The following IL1RAPL1 variants were observed in gnomAD, a reference collection of about 807,000 sequenced individuals.
The protein encoded by IL1RAPL1 is interleukin-1 receptor accessory protein-like 1.
In IL1RAPL1, 3 loss-of-function variants were observed where a neutral mutation model predicts 48.4. That is an observed-to-expected ratio of 0.06 (90% CI 0.03 to 0.16). The LOEUF is 0.16. Among genes scored for constraint, IL1RAPL1 ranks in the 10% least tolerant of loss-of-function variants. IL1RAPL1 has a pLI of 1.00. For missense variants in IL1RAPL1, 349 were observed against 530.6 expected, an observed-to-expected ratio of 0.66 and a Z score of 3.36; for synonymous variants, 185 against 187.7, an observed-to-expected ratio of 0.99 and a Z score of 0.12.
intron 2 of IL1RAPL1, among the ~76,000 whole-genome samples, chrX:29,241,726 G>A (rs1931425743): frequency 8.9e-6 from 1 of 111,887 alleles, no homozygotes; most frequent in African/African-American, 3.2e-5. Context: ...AAATATGAAG[G>A]GGCCTTAAAA....
intron 3 of IL1RAPL1, among the ~76,000 whole-genome samples, chrX:29,340,285 C>T (rs1428644126): frequency 9.0e-6 from 1 of 111,376 alleles, no homozygotes; most frequent in Non-Finnish European, 1.9e-5. Context: ...AGAATATTTT[C>T]ATCTACCCAG....
chrX:28,595,146 A>G (rs1933941357), intron 1 of IL1RAPL1, among the ~76,000 whole-genome samples: 1 of 112,370 alleles, frequency 8.9e-6, no homozygotes. Flanking sequence ...CAGTCTGCTT[A>G]CATAAACAAT....
chrX:28,710,953 C>A (rs1354339061), intron 1 of IL1RAPL1, among the ~76,000 whole-genome samples: 1 of 111,765 alleles, frequency 8.9e-6, no homozygotes, highest in Admixed American at 9.5e-5. Context: ...TATGATTTGG[C>A]TTCCACGTGG....
At chrX:29,061,743 G>A (rs1927346418) in intron 2 of IL1RAPL1, among the ~76,000 whole-genome samples, 1 of 112,661 alleles carries the variant, frequency 8.9e-6, no homozygotes, top group Non-Finnish European at 1.9e-5. Flanking sequence ...ATAGGCGTGA[G>A]CCACCGCTCC....
intron 2 of IL1RAPL1, among the ~76,000 whole-genome samples, chrX:29,149,751 T>A (rs760022261): frequency 1.7e-4 from 19 of 111,983 alleles, no homozygotes; most frequent in Admixed American, 3.8e-4. Context: ...GTAATACCCT[T>A]ACACTCAATC....
At chrX:28,867,796 C>T (rs1159169913) in intron 2 of IL1RAPL1, among the ~76,000 whole-genome samples, 1 of 110,899 alleles carries the variant, frequency 9.0e-6, no homozygotes, top group Non-Finnish European at 1.9e-5. Context: ...CCACAATTTC[C>T]TTTAGTAACA....
intron 3 of IL1RAPL1, among the ~76,000 whole-genome samples, chrX:29,329,300 T>C (rs1932865485): frequency 9.0e-6 from 1 of 111,563 alleles, no homozygotes; most frequent in African/African-American, 3.3e-5. Context: ...TACAAACATA[T>C]TTAAATTCTT....
At chrX:28,842,288 A>G (rs1046792947) in intron 2 of IL1RAPL1, among the ~76,000 whole-genome samples, 3 of 111,326 alleles carry the variant, frequency 2.7e-5, no homozygotes, top group Non-Finnish European at 5.7e-5. Flanking sequence ...ATTTCAAAAA[A>G]AAAATAGTTT....
At chrX:29,826,539 T>A (rs1930743356) in intron 6 of IL1RAPL1, among the ~76,000 whole-genome samples, 1 of 111,529 alleles carries the variant, frequency 9.0e-6, no homozygotes, top group African/African-American at 3.3e-5. Flanking sequence ...TCACTTCCTA[T>A]TCTCCCCTCC....
At chrX:28,895,361 A>G (rs1366266777) in intron 2 of IL1RAPL1, among the ~76,000 whole-genome samples, 2 of 108,349 alleles carry the variant, frequency 1.8e-5, no homozygotes, top group African/African-American at 6.8e-5. Flanking sequence ...GGGATGGGAT[A>G]TTGGCATTGA....
chrX:29,640,257 A>G (rs1380655555), intron 5 of IL1RAPL1, among the ~76,000 whole-genome samples: 4 of 112,232 alleles, frequency 3.6e-5, no homozygotes, highest in Non-Finnish European at 7.5e-5. Flanking sequence ...CTGAACAGTA[A>G]TCACTGCTAT....
intron 2 of IL1RAPL1, among the ~76,000 whole-genome samples, chrX:29,020,746 G>T (rs1302313669): frequency 9.0e-6 from 1 of 111,270 alleles, no homozygotes; most frequent in African/African-American, 3.3e-5. Flanking sequence ...ACATAGGAGG[G>T]CTCTAGAGGA....
intron 6 of IL1RAPL1, among the ~76,000 whole-genome samples, chrX:29,690,527 C>T (rs1926745221): frequency 9.0e-6 from 1 of 111,095 alleles, no homozygotes; most frequent in Non-Finnish European, 1.9e-5. Context: ...TCAAAAAGTT[C>T]CTCTTGAATT....
chrX:29,373,300 T>C (rs1193453286), intron 3 of IL1RAPL1, among the ~76,000 whole-genome samples: 3 of 112,071 alleles, frequency 2.7e-5, no homozygotes, highest in Non-Finnish European at 5.6e-5. Flanking sequence ...TGTTTATCAG[T>C]TCCAGGAGGC....
At chrX:28,897,159 TG>T (rs1353929116) in intron 2 of IL1RAPL1, among the ~76,000 whole-genome samples, 2 of 105,684 alleles carry the variant, frequency 1.9e-5, no homozygotes, top group Admixed American at 1.0e-4. Flanking sequence ...GAGAAGGGGT[TG>T]GGGGGGTTCT....
At chrX:29,899,605 G>A (rs942391655) in intron 6 of IL1RAPL1, among the ~76,000 whole-genome samples, 15 of 107,105 alleles carry the variant, frequency 1.4e-4, no homozygotes, top group South Asian at 4.3e-4. Context: ...GTGCAGTGGC[G>A]CGATCTCGGC....
chrX:28,665,739 C>T (rs983832262), intron 1 of IL1RAPL1, among the ~76,000 whole-genome samples: 1 of 111,878 alleles, frequency 8.9e-6, no homozygotes, highest in Non-Finnish European at 1.9e-5. Context: ...GATCCACCTG[C>T]CTAAGCCTCC....
At chrX:29,805,428 C>T (rs947827685) in intron 6 of IL1RAPL1, among the ~76,000 whole-genome samples, 10 of 110,831 alleles carry the variant, frequency 9.0e-5, no homozygotes, top group African/African-American at 3.3e-4. Flanking sequence ...CGCACACACA[C>T]ACACACTCCA....
intron 6 of IL1RAPL1, among the ~76,000 whole-genome samples, chrX:29,878,761 G>T (rs73221614): frequency 0.11 from 11,952 of 111,580 alleles, 631 homozygotes; most frequent in Non-Finnish European, 0.16. Context: ...TGGCATGAAG[G>T]TATATCAGTT....
Sources: allele counts gnomAD v4.1 joint callset (sites outside exome capture counted in the v4.1 genomes callset), GRCh38; gene constraint gnomAD v4.1.1; transcripts MANE v1.5; gene names NCBI Gene and HGNC (gene_info 2026-07-23, HGNC 2026-07-21).